Variants in DCC observed in about 807,000 individuals in gnomAD.
DCC encodes the protein DCC netrin 1 receptor.
In DCC, 58 loss-of-function variants were observed where a neutral mutation model predicts 172.5. The observed-to-expected ratio is 0.34, with a 90% CI of 0.27 to 0.42. The LOEUF (loss-of-function observed/expected upper bound fraction) is 0.42, where lower values mean the gene tolerates loss of function less well. Among genes scored for constraint, DCC ranks in the 10% least tolerant of loss-of-function variants. DCC has a pLI of 1.00. For synonymous variants in DCC, 709 were observed against 644.5 expected, an observed-to-expected ratio of 1.10 and a Z score of -1.52; for missense variants, 1,740 against 1,791.0, an observed-to-expected ratio of 0.97 and a Z score of 0.51.
chr18:53,243,880 A>C (rs1428853633), intron 12 of DCC, among the ~76,000 whole-genome samples: 1 of 152,154 alleles, frequency 6.6e-6, no homozygotes, highest in Admixed American at 6.6e-5. Flanking sequence ...TAAACTCAAC[A>C]CACAAATCTT....
chr18:53,523,069 G>T (rs1480447973), intron 27 of DCC, among the ~76,000 whole-genome samples: 1 of 152,074 alleles, frequency 6.6e-6, no homozygotes, highest in African/African-American at 2.4e-5. Flanking sequence ...AAATTTACAT[G>T]AAGAAAATAC....
intron 27 of DCC, among the ~76,000 whole-genome samples, chr18:53,506,597 C>T (rs1379941299): frequency 1.3e-5 from 2 of 152,126 alleles, no homozygotes; most frequent in Non-Finnish European, 2.9e-5. Context: ...GTGGCTCACA[C>T]CCGTAATCCT....
chr18:53,137,531 G>A (rs2043762719), intron 7 of DCC, among the ~76,000 whole-genome samples: 1 of 152,102 alleles, frequency 6.6e-6, no homozygotes, highest in Non-Finnish European at 1.5e-5. Context: ...AACTATGAAG[G>A]TAACCACCTT....
At chr18:53,300,429 T>C (rs1386537916) in intron 12 of DCC, among the ~76,000 whole-genome samples, 1 of 152,156 alleles carries the variant, frequency 6.6e-6, no homozygotes, top group Non-Finnish European at 1.5e-5. Flanking sequence ...TGCTTTTGGT[T>C]GGTGATTTTT....
chr18:52,929,753 T>G (rs2040274985), intron 5 of DCC, among the ~76,000 whole-genome samples: 1 of 151,518 alleles, frequency 6.6e-6, no homozygotes. Flanking sequence ...AATAAAAATG[T>G]TAAAACTCAG....
chr18:52,469,543 A>G (rs979624579), intron 1 of DCC, among the ~76,000 whole-genome samples: 2 of 152,316 alleles, frequency 1.3e-5, no homozygotes, highest in Middle Eastern at 3.4e-3. Context: ...ACTTATACTA[A>G]TGATAAAAAA....
At chr18:53,098,312 A>T (rs2043116032) in intron 7 of DCC, among the ~76,000 whole-genome samples, 1 of 152,178 alleles carries the variant, frequency 6.6e-6, no homozygotes, top group Non-Finnish European at 1.5e-5. Flanking sequence ...CAGAGACCTT[A>T]CTAAGATTTT....
intron 8 of DCC, among the ~76,000 whole-genome samples, chr18:53,168,404 T>C (rs1231440948): frequency 6.6e-6 from 1 of 152,074 alleles, no homozygotes; most frequent in Non-Finnish European, 1.5e-5. Context: ...GATGAGTTCA[T>C]GTCCTTTGCA....
intron 15 of DCC, among the ~76,000 whole-genome samples, chr18:53,351,311 ATATACACT>A (rs1196262843): frequency 1.0e-4 from 3 of 29,980 alleles, no homozygotes; most frequent in Non-Finnish European, 3.2e-4. Context: ...ATATATATAT[ATATACACT>A]GTATATATAT....
At chr18:52,914,357 T>G in intron 3 of DCC, among the ~76,000 whole-genome samples, 1 of 152,162 alleles carries the variant, frequency 6.6e-6, no homozygotes, top group African/African-American at 2.4e-5. Flanking sequence ...AGACTCTAAC[T>G]AGAAATAGCA....
intron 1 of DCC, among the ~76,000 whole-genome samples, chr18:52,351,109 C>G (rs369710947): frequency 4.3e-4 from 66 of 152,142 alleles, no homozygotes; most frequent in African/African-American, 1.5e-3. Flanking sequence ...GAGTTTACAT[C>G]TGAAGAATGA....
At chr18:53,057,079 T>TAAAAAA (rs11316527) in intron 5 of DCC, among the ~76,000 whole-genome samples, 1,358 of 88,280 alleles carry the variant, frequency 0.015, no homozygotes, top group East Asian at 0.028. Context: ...CTTCTAAAAG[T>TAAAAAA]AAAAAAAAAA....
chr18:52,698,764 ATT>A (rs34646550), intron 1 of DCC, among the ~76,000 whole-genome samples: 44,496 of 133,988 alleles, frequency 0.33, 7,126 homozygotes, highest in East Asian at 0.4. Context: ...ACGCCTGGCT[ATT>A]TTTTTTTTTT....
rs1219488355 is a variant in DCC at position 53,179,053 on chromosome 18, G to T, written c.1510G>T (p.Ala504Ser). ...AGCCATGTACACCTTTCGAGTTGTG[G>T]CTTACAATGAATGGGGACCGGGAGA... ...PEAMYTFRVV[A>S]YNEWGPGESS... The change falls in exon 9 of 29, where the codon GCT becomes TCT. Residue 504 changes from alanine to serine, a missense_variant. Ala to Ser is a moderately conservative substitution (Grantham distance 99). Transcript: ENST00000442544. 3 of 1,614,030 alleles carry T rather than the reference G, an allele frequency of 1.9e-6. No homozygotes were observed. Among genetic ancestry groups the T allele is most frequent in the Admixed American group, 1.7e-5 (1 of 60,004 alleles).
intron 1 of DCC, among the ~76,000 whole-genome samples, chr18:52,620,446 T>G (rs1457150695): frequency 6.6e-6 from 1 of 152,166 alleles, no homozygotes; most frequent in Non-Finnish European, 1.5e-5. Flanking sequence ...AATTAACCCA[T>G]CTTCAAGGAG....
Position 52,654,463 on chromosome 18 carries a change from G to A in DCC, c.92-97591G>A, listed in dbSNP as rs547749091. 6.6e-5 allele frequency among the ~76,000 whole-genome samples: 10 copies of A among 152,212 alleles called. No individual in the cohort carries two copies. The South Asian group carries it at 8.3e-4, about 13-fold the overall frequency. On this transcript the variant is annotated intron_variant, in intron 1 of 28. Transcript: ENST00000442544. ...AACAACAGACATTTATTGTCTTACA[G>A]TTCTGGAGGCTGACATCCAACTCAA...
rs750611424 is a variant in DCC, at chr18:53,467,887, T to G, written c.3620-7T>G. ...GGGCATGTTTCTCAGGAGTGTGTATTTTTTAGGTCAAGACACTGAGGAAGC... is the reference window on the plus strand; with the variant it reads ...GGGCATGTTTCTCAGGAGTGTGTATGTTTTAGGTCAAGACACTGAGGAAGC... On this transcript the variant is annotated splice_region_variant and splice_polypyrimidine_tract_variant and intron_variant, in intron 24 of 28. Transcript: ENST00000442544. The G allele has an allele frequency of 1.3e-6, 2 of 1,489,616 alleles. No individual in the cohort carries two copies. The highest frequency in any genetic ancestry group is 4.5e-5 in the East Asian group (2 of 44,304). The allele number at this position is 1,489,616 out of a possible 1,614,324, so 92.3% of individuals were successfully genotyped here.
At chr18:53,142,761 C>T (rs936939051) in intron 7 of DCC, among the ~76,000 whole-genome samples, 1 of 152,180 alleles carries the variant, frequency 6.6e-6, no homozygotes, top group East Asian at 1.9e-4. Context: ...CTGTGAACTA[C>T]AGTCCAGTCT....
intron 12 of DCC, among the ~76,000 whole-genome samples, chr18:53,296,041 A>C (rs759355631): frequency 5.3e-5 from 8 of 152,340 alleles, no homozygotes; most frequent in Admixed American, 6.5e-5. Context: ...GTATTCATAG[A>C]ATAGAAGTTA....
Sources: allele counts gnomAD v4.1 joint callset (sites outside exome capture counted in the v4.1 genomes callset), GRCh38; gene constraint gnomAD v4.1.1; transcripts MANE v1.5; gene names NCBI Gene and HGNC (gene_info 2026-07-23, HGNC 2026-07-21).